ARID2: variants seen among roughly 807,000 people sequenced by gnomAD.
ARID2 encodes the protein AT-rich interaction domain 2.
Under a neutral mutation model 184.6 loss-of-function variants are expected in ARID2, and 32 were observed. The observed-to-expected ratio is 0.17, with a 90% CI of 0.13 to 0.23. The LOEUF is 0.23. Ranked by LOEUF, ARID2 falls within the 10% of genes least tolerant of loss-of-function variation. The pLI is 1.00. For synonymous variants in ARID2, 836 were observed against 772.6 expected (o/e 1.08, Z -1.36); for missense variants, 1,696 against 2,197.6 (o/e 0.77, Z 4.56).
intron 15 of ARID2, among the ~76,000 whole-genome samples, chr12:45,853,523 T>C (rs1943593671): frequency 6.6e-6 from 1 of 152,236 alleles, no homozygotes. Context: ...AGATTCCATC[T>C]CTGCATGCCT....
rs193135604 is a variant in ARID2, at chr12:45,769,900, G to A, written c.284+38586G>A. ...GTGGGATAAGATCAAGGGCTTAAAG[G>A]GGAAAAAACCAAACAAACCTGTCAA... On this transcript the variant is annotated intron_variant, in intron 3 of 20. Coordinates refer to ENST00000334344, the MANE Select transcript of ARID2 (RefSeq NM_152641.4). Among the ~76,000 whole-genome samples the A allele has an allele frequency of 3.9e-4, 59 of 152,200 alleles. No individual in the cohort carries two copies. In the South Asian group the frequency reaches 0.011, roughly 28 times the overall value.
At position 45,860,646 on chromosome 12, in the gene ARID2, T is replaced by A. The variant is rs1023476977; in HGVS notation, c.4774-155T>A. 3.9e-5 allele frequency among the ~76,000 whole-genome samples: 6 copies of A among 152,132 alleles called. No individual in the cohort carries two copies. The South Asian group carries it at 1.2e-3, about 31-fold the overall frequency. On this transcript the variant is annotated intron_variant, in intron 15 of 20. Transcript: ENST00000334344. ...TAAATATTTCTATAAAAATAATTTTTAAAGATTTTAAAGGTAATCATAAGC... is the reference window on the plus strand; with the variant it reads ...TAAATATTTCTATAAAAATAATTTTAAAAGATTTTAAAGGTAATCATAAGC...
intron 6 of ARID2, among the ~76,000 whole-genome samples, chr12:45,833,364 G>GTTC (rs1477174319): frequency 6.6e-6 from 1 of 152,036 alleles, no homozygotes. Flanking sequence ...TGCTAATTAT[G>GTTC]TTCATATTTT....
At chr12:45,886,463 C>T (rs1188474276) in intron 16 of ARID2, among the ~76,000 whole-genome samples, 1 of 152,174 alleles carries the variant, frequency 6.6e-6, no homozygotes, top group East Asian at 1.9e-4. Context: ...CATTTATCTA[C>T]CATTCTGGGG....
intron 3 of ARID2, among the ~76,000 whole-genome samples, chr12:45,739,438 C>CTTTTTTTTTTTT (rs71067906): frequency 2.2e-5 from 2 of 90,780 alleles, no homozygotes; most frequent in African/African-American, 4.5e-5. Flanking sequence ...TATAAAGTTA[C>CTTTTTTTTTTTT]TTTTTTTTTT....
At chr12:45,797,325 C>T (rs1015521260) in intron 3 of ARID2, among the ~76,000 whole-genome samples, 1 of 152,178 alleles carries the variant, frequency 6.6e-6, no homozygotes, top group Non-Finnish European at 1.5e-5. Context: ...ACCTCTGCCT[C>T]CTGGATTCAA....
intron 3 of ARID2, among the ~76,000 whole-genome samples, chr12:45,746,058 A>T (rs1173053694): frequency 6.6e-6 from 1 of 151,072 alleles, no homozygotes; most frequent in Non-Finnish European, 1.5e-5. Flanking sequence ...TTAGATGGAG[A>T]CCTCTACTGG....
rs760191828 is a variant in ARID2 at position 45,850,682 on chromosome 12, T to A, written c.2559T>A (p.Tyr853Ter). 1 of 1,614,102 alleles carries A rather than the reference T, an allele frequency of 6.2e-7. No homozygotes were observed. The highest frequency in any genetic ancestry group is 1.1e-5 in the South Asian group (1 of 91,080). ...CTGTTATCATAGCACCCCCACAGTA[T>A]GTAACAACTTCTGCATCCAATATTG... The part of the protein sequence containing the change: ...QDTVIIAPPQ[Y>*]VTTSASNIVS... The change falls in exon 15 of 21, where the codon TAT (tyrosine) becomes TAA (stop). Residue 853 changes from tyrosine (Y) to a stop codon, truncating the protein, a stop_gained. Transcript: ENST00000334344. LOFTEE classifies it high-confidence loss of function.
chr12:45,755,097 C>A (rs1489284805), intron 3 of ARID2, among the ~76,000 whole-genome samples: 1 of 152,114 alleles, frequency 6.6e-6, no homozygotes. Flanking sequence ...GAGGCGTTAA[C>A]GCATGTGATT....
intron 3 of ARID2, among the ~76,000 whole-genome samples, chr12:45,771,786 TA>T (rs1285316037): frequency 6.6e-6 from 1 of 151,972 alleles, no homozygotes; most frequent in Non-Finnish European, 1.5e-5. Flanking sequence ...GGCACAAAAC[TA>T]CTTAACTGAG....
intron 16 of ARID2, among the ~76,000 whole-genome samples, chr12:45,865,639 T>C (rs752759633): frequency 2.0e-5 from 3 of 152,184 alleles, no homozygotes; most frequent in Non-Finnish European, 4.4e-5. Context: ...TTAGAACTTA[T>C]GTGATTTTTT....
intron 3 of ARID2, among the ~76,000 whole-genome samples, chr12:45,740,066 A>G (rs1034935605): frequency 6.6e-6 from 1 of 152,214 alleles, no homozygotes; most frequent in East Asian, 1.9e-4. Flanking sequence ...GTGCTTGCAA[A>G]TAATAGGTAG....
Position 45,852,081 on chromosome 12 carries a change from T to C in ARID2, c.3958T>C (p.Ser1320Pro), listed in dbSNP as rs2138175893. ...AATTCAAAGTGAGACTAATCAGTGC[T>C]CACTAATCAGTAATGGGCCATCATT... is the stretch of plus-strand genomic sequence containing the variant. ...GKIQSETNQC[S>P]LISNGPSLEL... Residue 1320 changes from serine to proline, a missense_variant, in exon 15 of 21, where the codon TCA becomes CCA. Physicochemically the swap from Ser to Pro is moderately conservative, Grantham distance 74 (BLOSUM62 -1). This residue lies in a region of ARID2 where 428 missense variants were observed against 409.1 expected (regional missense o/e 1.05). Transcript: ENST00000334344. The C allele has an allele frequency of 6.2e-7, 1 of 1,614,094 alleles. No individual in the cohort carries two copies. The highest frequency in any genetic ancestry group is 8.5e-7 in the Non-Finnish European group (1 of 1,179,996).
At chr12:45,893,364 G>T (rs1944328006) in intron 18 of ARID2, 56 bp from the exon 19 acceptor site, 3 of 1,543,890 alleles carry the variant, frequency 1.9e-6, no homozygotes, top group Admixed American at 2.0e-5. Flanking sequence ...ATAGTTGTCA[G>T]TCTGTCTGCA....
intron 16 of ARID2, among the ~76,000 whole-genome samples, chr12:45,880,760 A>C (rs2138217003): frequency 1.3e-5 from 2 of 152,348 alleles, no homozygotes; most frequent in Middle Eastern, 3.4e-3. Context: ...TACATAAAAC[A>C]GGAAGTTTTA....
chr12:45,743,181 A>G (rs1300599868), intron 3 of ARID2, among the ~76,000 whole-genome samples: 2 of 151,344 alleles, frequency 1.3e-5, no homozygotes, highest in East Asian at 3.9e-4. Context: ...GTGAAACCCC[A>G]TCTCTACTAA....
intron 3 of ARID2, among the ~76,000 whole-genome samples, chr12:45,798,475 A>C (rs1942433826): frequency 6.6e-6 from 1 of 152,178 alleles, no homozygotes; most frequent in South Asian, 2.1e-4. Context: ...TAAAAATTCA[A>C]AATTTCAGGC....
At chr12:45,865,976 G>C (rs1453622536) in intron 16 of ARID2, among the ~76,000 whole-genome samples, 1 of 151,752 alleles carries the variant, frequency 6.6e-6, no homozygotes, top group Non-Finnish European at 1.5e-5. Context: ...TCCAAAAATA[G>C]CGTTATCAGA....
chr12:45,835,911 A>T (rs552939702), intron 6 of ARID2, among the ~76,000 whole-genome samples: 1 of 151,960 alleles, frequency 6.6e-6, no homozygotes, highest in South Asian at 2.1e-4. Flanking sequence ...AAAAAAAAAA[A>T]CAAAAACAAA....
Sources: allele counts gnomAD v4.1 joint callset (sites outside exome capture counted in the v4.1 genomes callset), GRCh38; gene constraint gnomAD v4.1.1; regional missense constraint gnomAD v4.1.1; transcripts MANE v1.5; gene names NCBI Gene and HGNC (gene_info 2026-07-23, HGNC 2026-07-21).